The following PPARG variants were observed in gnomAD, a reference collection of about 807,000 sequenced individuals.
The protein encoded by PPARG is peroxisome proliferator activated receptor gamma, also known as peroxisome proliferator-activated receptor gamma.
In PPARG, 17 loss-of-function variants were observed where a neutral mutation model predicts 39.2. The ratio of observed to expected loss-of-function variants is 0.43; its 90% confidence interval spans 0.30 to 0.65. PPARG has a LOEUF of 0.65. Among genes scored for constraint, PPARG ranks in the 30% least tolerant of loss-of-function variants. The pLI is 0.13. For missense variants in PPARG, 406 were observed against 585.9 expected, an observed-to-expected ratio of 0.69 and a Z score of 3.17; for synonymous variants, 223 against 215.7, an observed-to-expected ratio of 1.03 and a Z score of -0.30.
chr3:12,309,896 G>C (rs2047178351), intron 1 of PPARG, among the ~76,000 whole-genome samples: 1 of 152,188 alleles, frequency 6.6e-6, no homozygotes. Context: ...TGAGGCAATT[G>C]TCTGCTGTCT....
chr3:12,310,077 C>G (rs1365836934), intron 1 of PPARG, among the ~76,000 whole-genome samples: 2 of 152,278 alleles, frequency 1.3e-5, no homozygotes, highest in East Asian at 3.9e-4. Context: ...TGTTTCACAT[C>G]TGGGGACGAT....
chr3:12,338,460 A>C lies in PPARG; in HGVS notation c.-9+26007A>C, dbSNP rs186315928. On this transcript the variant is annotated intron_variant, in intron 2 of 7. Coordinates refer to ENST00000651735, the MANE Select transcript of PPARG (RefSeq NM_138711.6). ...GTACAGCACAGACTTCAAGGAAAAA[A>C]TTTCTTATGATTCTCAGTGTTCACA... is the stretch of plus-strand genomic sequence containing the variant. Among the ~76,000 whole-genome samples, 20 of 152,316 alleles carry C rather than the reference A, an allele frequency of 1.3e-4. No homozygotes were observed. The East Asian group carries it at 3.9e-3, about 29-fold the overall frequency.
intron 1 of PPARG, among the ~76,000 whole-genome samples, chr3:12,300,619 A>G (rs1169394756): frequency 6.6e-6 from 1 of 152,088 alleles, no homozygotes; most frequent in East Asian, 1.9e-4. Context: ...CCAGCTTTTG[A>G]ATTCAGAAAA....
chr3:12,380,667 G>A (rs1231682773), intron 3 of PPARG, among the ~76,000 whole-genome samples: 1 of 152,090 alleles, frequency 6.6e-6, no homozygotes, highest in Non-Finnish European at 1.5e-5. Flanking sequence ...AATATGCTTA[G>A]TTATATTTAT....
At chr3:12,326,866 T>C (rs903328588) in intron 2 of PPARG, among the ~76,000 whole-genome samples, 2 of 152,194 alleles carry the variant, frequency 1.3e-5, no homozygotes, top group Non-Finnish European at 2.9e-5. Flanking sequence ...CAACCAAGTA[T>C]TCAAACATTG....
At chr3:12,395,216 T>C (rs1191230811) in intron 5 of PPARG, among the ~76,000 whole-genome samples, 1 of 152,222 alleles carries the variant, frequency 6.6e-6, no homozygotes, top group Non-Finnish European at 1.5e-5. Flanking sequence ...ATTTTTCACT[T>C]TTCAACCAGC....
Position 12,351,621 on chromosome 3 carries a change from T to C in PPARG, c.-8-28083T>C, listed in dbSNP as rs1487931740. 5 of 1,610,974 alleles carry C rather than the reference T, an allele frequency of 3.1e-6. No individual in the cohort carries two copies. Among genetic ancestry groups the C allele is most frequent in the Admixed American group, 3.3e-5 (2 of 60,000 alleles). On this transcript the variant is annotated intron_variant, in intron 2 of 7. Transcript: ENST00000651735. Reference sequence around the variant, plus strand: ...GGTGAAACTCTGGGAGATTCTCCTATTGACCCAGAAAGCGATTCCTTCACT... The same window carrying C: ...GGTGAAACTCTGGGAGATTCTCCTACTGACCCAGAAAGCGATTCCTTCACT...
intron 2 of PPARG, among the ~76,000 whole-genome samples, chr3:12,346,709 A>G (rs2048337051): frequency 6.6e-6 from 1 of 151,710 alleles, no homozygotes; most frequent in Non-Finnish European, 1.5e-5. Flanking sequence ...ATTACAGCTC[A>G]CTGCAGCCTC....
intron 2 of PPARG, among the ~76,000 whole-genome samples, chr3:12,351,888 G>C (rs2048500232): frequency 6.6e-6 from 1 of 152,124 alleles, no homozygotes; most frequent in African/African-American, 2.4e-5. Context: ...TTTTATCTCT[G>C]TGCATGGCTC....
At chr3:12,362,263 TC>T (rs1305879967) in intron 2 of PPARG, among the ~76,000 whole-genome samples, 2 of 152,164 alleles carry the variant, frequency 1.3e-5, no homozygotes, top group African/African-American at 4.8e-5. Flanking sequence ...ATGCCTGTAA[TC>T]CCAGAACTTT....
intron 5 of PPARG, among the ~76,000 whole-genome samples, chr3:12,394,077 T>G (rs1000005493): frequency 1.3e-5 from 2 of 152,166 alleles, no homozygotes; most frequent in Non-Finnish European, 2.9e-5. Flanking sequence ...TCCTTTTTAT[T>G]TCAGACCTCA....
chr3:12,318,715 T>C (rs12636454), intron 2 of PPARG, among the ~76,000 whole-genome samples: 41,527 of 152,064 alleles, frequency 0.27, 5,765 homozygotes, highest in East Asian at 0.33. Flanking sequence ...TGAGTTATAG[T>C]ATTCTTGGTT....
upstream of PPARG, chr3:12,287,682 T>TCCC (rs2046533604): frequency 6.8e-6 from 1 of 147,034 alleles, no homozygotes; most frequent in African/African-American, 2.5e-5. Context: ...CCAGGTAGCC[T>TCCC]GCCGCGGGGC....
intron 6 of PPARG, among the ~76,000 whole-genome samples, chr3:12,410,205 T>C (rs2050832601): frequency 6.6e-6 from 1 of 152,172 alleles, no homozygotes. Context: ...AGTGGCTTGC[T>C]CCAGCCAAGG....
At chr3:12,359,349 TATG>T (rs1245882384) in intron 2 of PPARG, among the ~76,000 whole-genome samples, 2 of 151,990 alleles carry the variant, frequency 1.3e-5, no homozygotes, top group Non-Finnish European at 2.9e-5. Context: ...ACTAGTAAAA[TATG>T]ATGGTAACTT....
At chr3:12,397,441 C>T (rs980836462) in intron 5 of PPARG, among the ~76,000 whole-genome samples, 3 of 147,302 alleles carry the variant, frequency 2.0e-5, no homozygotes, top group Admixed American at 6.9e-5. Context: ...GACAAAGTCT[C>T]GCTCTGTTGC....
intron 2 of PPARG, chr3:12,344,960 A>G (rs1158626991): frequency 6.6e-6 from 1 of 152,154 alleles, no homozygotes; most frequent in African/African-American, 2.4e-5. Context: ...GCCAAAAACT[A>G]TTATCTGGTT....
chr3:12,306,674 G>A (rs1207413078), intron 1 of PPARG, among the ~76,000 whole-genome samples: 1 of 152,186 alleles, frequency 6.6e-6, no homozygotes, highest in Non-Finnish European at 1.5e-5. Flanking sequence ...TTTTAGTTGT[G>A]TTAATTCACT....
At chr3:12,425,868 C>T (rs906774305) in intron 7 of PPARG, among the ~76,000 whole-genome samples, 3 of 152,150 alleles carry the variant, frequency 2.0e-5, no homozygotes, top group African/African-American at 4.8e-5. Flanking sequence ...TTTCCGGGGT[C>T]GGACAGAAAT....
Sources: allele counts gnomAD v4.1 joint callset (sites outside exome capture counted in the v4.1 genomes callset), GRCh38; gene constraint gnomAD v4.1.1; transcripts MANE v1.5; gene names NCBI Gene and HGNC (gene_info 2026-07-23, HGNC 2026-07-21).